DNMT3B: variants seen among roughly 807,000 people sequenced by gnomAD.
DNMT3B encodes the protein DNA (cytosine-5)-methyltransferase 3B.
Under a neutral mutation model 120.2 loss-of-function variants are expected in DNMT3B, and 37 were observed. That is an observed-to-expected ratio of 0.31 (90% confidence interval 0.24 to 0.40). The LOEUF (loss-of-function observed/expected upper bound fraction) is 0.40. Ranked by LOEUF, DNMT3B falls within the 10% of genes least tolerant of loss-of-function variation. The pLI, the probability that DNMT3B is intolerant of heterozygous loss-of-function variation, is 1.00. For synonymous variants in DNMT3B, 412 were observed against 442.8 expected (o/e 0.93, Z 0.87); for missense variants, 878 against 1,137.3 (o/e 0.77, Z 3.28).
intron 1 of DNMT3B, among the ~76,000 whole-genome samples, chr20:32,770,946 T>C (rs564774074): frequency 9.2e-5 from 14 of 152,228 alleles, no homozygotes; most frequent in African/African-American, 3.1e-4. Context: ...GGTCTCACTT[T>C]GTTGCCCAGG....
In DNMT3B at chr20:32,800,143, GC is replaced by G; in HGVS notation, c.1760-5del. ...TCATTTATGCTTCTGTGTCTCTCTG[GC>G]CCCCACAGGCTACCTAGTCCTCAAA... is the stretch of plus-strand genomic sequence containing the variant. On this transcript the variant is annotated splice_polypyrimidine_tract_variant and intron_variant, in intron 16 of 22. Transcript: ENST00000328111. 6.2e-7 allele frequency: 1 copy of G among 1,614,168 alleles called. No homozygotes were observed. Among genetic ancestry groups the G allele is most frequent in the Non-Finnish European group, 8.5e-7 (1 of 1,180,030 alleles).
intron 12 of DNMT3B, 66 bp from the exon 13 acceptor site, chr20:32,796,724 C>G: frequency 6.4e-7 from 1 of 1,562,726 alleles, no homozygotes; most frequent in South Asian, 1.1e-5. Flanking sequence ...ACTGAGAGAC[C>G]CCAGGCTTTA....
intron 1 of DNMT3B, among the ~76,000 whole-genome samples, chr20:32,773,667 A>C (rs188758927): frequency 6.7e-6 from 1 of 148,904 alleles, no homozygotes; most frequent in Admixed American, 6.7e-5. Context: ...CCTAGAGTGC[A>C]GTGGCATGAC....
chr20:32,808,233 A>T lies in DNMT3B; in HGVS notation c.*330A>T. 2.4e-6 allele frequency: 1 copy of T among 417,356 alleles called. No individual in the cohort carries two copies. Among genetic ancestry groups the T allele is most frequent in the Non-Finnish European group, 4.5e-6 (1 of 224,256 alleles). 25.9% of individuals were successfully genotyped at this position (417,356 alleles called of 1,614,324 possible). The stretch of plus-strand genomic sequence containing the variant: ...CCTGGGTCTACCACTCAGAGAAACA[A>T]TGGCTAAGATACCAAAACCACAGTG... On this transcript the variant is annotated 3_prime_UTR_variant, in exon 23 of 23. Coordinates refer to ENST00000328111, the MANE Select transcript of DNMT3B (RefSeq NM_006892.4).
intron 1 of DNMT3B, among the ~76,000 whole-genome samples, chr20:32,767,455 AGTCTC>A (rs1987452485): frequency 6.6e-6 from 1 of 151,590 alleles, no homozygotes; most frequent in African/African-American, 2.4e-5. Flanking sequence ...TTTTGAGACA[AGTCTC>A]GCATTGTCAC....
At chr20:32,770,105 A>C (rs1443647054) in intron 1 of DNMT3B, among the ~76,000 whole-genome samples, 4 of 151,158 alleles carry the variant, frequency 2.6e-5, no homozygotes, top group Admixed American at 1.3e-4. Context: ...CACTATGCTC[A>C]GTTAATTTAA....
intron 3 of DNMT3B, among the ~76,000 whole-genome samples, chr20:32,782,482 ACCAGACT>A (rs1412041040): frequency 6.6e-6 from 1 of 152,226 alleles, no homozygotes; most frequent in Non-Finnish European, 1.5e-5. Context: ...CTGCAGTGAA[ACCAGACT>A]CCTCCAGAAG....
chr20:32,787,580 A>G (rs6057645), intron 6 of DNMT3B, 129 bp downstream of exon 6: 45,988 of 1,072,930 alleles, frequency 0.043, 4,155 homozygotes, highest in African/African-American at 0.34. Flanking sequence ...AATAATTGAC[A>G]TGTTTGAATT....
chr20:32,800,331 T>C (rs1254882316), intron 17 of DNMT3B, 33 bp downstream of exon 17: 1 of 1,613,574 alleles, frequency 6.2e-7, no homozygotes, highest in Admixed American at 1.7e-5. Flanking sequence ...GGGCCTCATC[T>C]CTTCCTGTCT....
At chr20:32,766,036 C>T (rs987479189) in intron 1 of DNMT3B, among the ~76,000 whole-genome samples, 11 of 152,126 alleles carry the variant, frequency 7.2e-5, no homozygotes, top group African/African-American at 9.7e-5. Flanking sequence ...AGATTACAGG[C>T]GTGAGCCACT....
chr20:32,791,178 G>A lies in DNMT3B; in HGVS notation c.814-423G>A, dbSNP rs2424916. Among the ~76,000 whole-genome samples the A allele has an allele frequency of 4.0e-3, 616 of 152,320 alleles. 5 individuals are homozygous for A. The highest frequency in any genetic ancestry group is 0.013 in the African/African-American group (543 of 41,566). ...TAGGTGAACTCATTTTAATAAAAGG[G>A]TAAAGAGTAAACAATTATCATGCTT... On this transcript the variant is annotated intron_variant, in intron 7 of 22. Transcript: ENST00000328111.
chr20:32,809,135 T>C lies in DNMT3B; in HGVS notation c.*1232T>C, dbSNP rs1982255093. On this transcript the variant is annotated 3_prime_UTR_variant, in exon 23 of 23. Transcript: ENST00000328111. Reference sequence around the variant, plus strand: ...CTATTTTGTAGAATAAGGAACAACGTTGACAAGTTTTGTGGGGCTTTTTAT... The same window carrying C: ...CTATTTTGTAGAATAAGGAACAACGCTGACAAGTTTTGTGGGGCTTTTTAT... 1 of 215,590 alleles carries C rather than the reference T, an allele frequency of 4.6e-6. No homozygotes were observed. The highest frequency in any genetic ancestry group is 9.4e-6 in the Non-Finnish European group (1 of 106,592). 13.4% of individuals were successfully genotyped at this position (215,590 alleles called of 1,614,324 possible).
At chr20:32,787,721 C>T (rs926947117) in intron 6 of DNMT3B, among the ~76,000 whole-genome samples, 4 of 152,186 alleles carry the variant, frequency 2.6e-5, no homozygotes, top group Non-Finnish European at 5.9e-5. Flanking sequence ...AGGACTGCAA[C>T]TGCGTACGTT....
intron 15 of DNMT3B, 147 bp from the exon 16 acceptor site, chr20:32,799,097 C>G: frequency 1.2e-6 from 1 of 845,962 alleles, no homozygotes; most frequent in Non-Finnish European, 1.9e-6. Flanking sequence ...ACTTGTCTCC[C>G]CAATCCCCAT....
intron 12 of DNMT3B, among the ~76,000 whole-genome samples, chr20:32,796,256 C>G (rs763941873): frequency 2.6e-5 from 4 of 152,172 alleles, no homozygotes; most frequent in Non-Finnish European, 5.9e-5. Flanking sequence ...ACTCACTCCC[C>G]CATCTGGCTA....
In DNMT3B at chr20:32,804,541, C is replaced by T. The variant is rs991028183; in HGVS notation, c.2232-797C>T. Reference sequence around the variant, plus strand: ...ACACAGGTTACTATGGCCGTCCCTGCGTCCAGTCCTCTTGCACCAGTTTCT... The same window carrying T: ...ACACAGGTTACTATGGCCGTCCCTGTGTCCAGTCCTCTTGCACCAGTTTCT... On this transcript the variant is annotated intron_variant, in intron 20 of 22. Coordinates refer to ENST00000328111, the MANE Select transcript of DNMT3B (RefSeq NM_006892.4). Among the ~76,000 whole-genome samples the T allele has an allele frequency of 2.0e-5, 3 of 152,180 alleles. No homozygotes were observed. The East Asian group carries it at 5.8e-4, about 29-fold the overall frequency.
At chr20:32,787,593 A>G (rs967178667) in intron 6 of DNMT3B, 142 bp downstream of exon 6, 6 of 1,002,914 alleles carry the variant, frequency 6.0e-6, no homozygotes, top group Admixed American at 4.0e-5. Flanking sequence ...TTTGAATTCT[A>G]AGTATCTTCC....
chr20:32,807,678 GAA>G, intron 22 of DNMT3B, 82 bp from the exon 23 acceptor site: 1 of 1,601,380 alleles, frequency 6.2e-7, no homozygotes, highest in Non-Finnish European at 8.5e-7. Context: ...GGCGAGGGCA[GAA>G]AGAGTGGGAC....
chr20:32,795,278 C>T (rs1440456949), intron 10 of DNMT3B, 131 bp from the exon 11 acceptor site: 7 of 1,398,452 alleles, frequency 5.0e-6, no homozygotes, highest in Non-Finnish European at 6.0e-6. Flanking sequence ...GGGCCATATA[C>T]ATTCAGTGTG....
Sources: gnomAD v4.1 joint callset for allele counts (sites outside exome capture counted in the v4.1 genomes callset) on GRCh38, gnomAD v4.1.1 for gene constraint, MANE v1.5 for transcripts, NCBI Gene and HGNC (gene_info 2026-07-23, HGNC 2026-07-21) for gene names.